Variants in ZNF786 observed in about 807,000 individuals in gnomAD.
ZNF786 encodes zinc finger protein 786.
Under a neutral mutation model 63.1 loss-of-function variants are expected in ZNF786, and 56 were observed. The ratio of observed to expected loss-of-function variants is 0.89; its 90% CI spans 0.72 to 1.11. The LOEUF (loss-of-function observed/expected upper bound fraction) is 1.11, where lower values mean the gene tolerates loss of function less well. Among genes scored for constraint, ZNF786 ranks in the 50% least tolerant of loss-of-function variants. The probability of loss-of-function intolerance (pLI) is 0.00; values close to 1 mark genes in which losing one functional copy is unlikely to be tolerated. For synonymous variants in ZNF786, 485 were observed against 406.9 expected, an observed-to-expected ratio of 1.19 and a Z score of -2.31; for missense variants, 1,213 against 1,041.8, an observed-to-expected ratio of 1.16 and a Z score of -2.26.
At chr7:149,073,749 A>ATATATATATGTG (rs1825485518) in intron 3 of ZNF786, among the ~76,000 whole-genome samples, 3 of 53,954 alleles carry the variant, frequency 5.6e-5, no homozygotes, top group African/African-American at 2.0e-4. Context: ...GTGTGTGTGT[A>ATATATATATGTG]TATATATATA....
Position 149,071,618 on chromosome 7 carries a change from G to A in ZNF786, c.1154C>T (p.Ala385Val). 6.3e-7 allele frequency: 1 copy of A among 1,589,786 alleles called. No homozygotes were observed. The change falls in exon 4 of 4, where the codon GCC becomes GTC. Residue 385 changes from alanine to valine, a missense_variant. Physicochemically the swap from Ala to Val is moderately conservative, Grantham distance 64 (BLOSUM62 0). Coordinates refer to ENST00000491431, the MANE Select transcript of ZNF786 (RefSeq NM_152411.4). ...TCCAGTATGCGCCCTGCAGGGGCTG[G>A]CGAGCCTGGCGCTCATAGGGGAGCG... ...GERSPMSARL[A>V]SPCRAHTGEK...
intron 1 of ZNF786, among the ~76,000 whole-genome samples, chr7:149,088,348 T>C (rs1198514970): frequency 6.6e-6 from 1 of 152,174 alleles, no homozygotes; most frequent in East Asian, 1.9e-4. Context: ...TGAGATAATT[T>C]ATTACTCATT....
chr7:149,078,737 T>C (rs573364230), intron 2 of ZNF786, among the ~76,000 whole-genome samples: 79 of 151,848 alleles, frequency 5.2e-4, no homozygotes, highest in African/African-American at 1.8e-3. Context: ...TATTAGAAAC[T>C]TTGCAATATA....
intron 2 of ZNF786, among the ~76,000 whole-genome samples, chr7:149,076,903 T>G (rs1309253692): frequency 6.6e-6 from 1 of 152,160 alleles, no homozygotes; most frequent in East Asian, 1.9e-4. Flanking sequence ...CATGCCTCTA[T>G]GAATACACAC....
At chr7:149,088,432 T>A (rs745415807) in intron 1 of ZNF786, among the ~76,000 whole-genome samples, 2 of 152,240 alleles carry the variant, frequency 1.3e-5, no homozygotes, top group Non-Finnish European at 2.9e-5. Context: ...TGTGTAACAT[T>A]TCTCCCAATA....
At chr7:149,083,058 G>A (rs1335330957) in intron 1 of ZNF786, among the ~76,000 whole-genome samples, 1 of 151,756 alleles carries the variant, frequency 6.6e-6, no homozygotes, top group Non-Finnish European at 1.5e-5. Context: ...ACCACACTGG[G>A]CTAATTTTTT....
At chr7:149,075,730 C>G (rs1270770630) in intron 2 of ZNF786, among the ~76,000 whole-genome samples, 2 of 78,396 alleles carry the variant, frequency 2.6e-5, no homozygotes, top group Non-Finnish European at 5.3e-5. Flanking sequence ...GTGGTGCAAT[C>G]ATAGCTCATT....
chr7:149,076,362 G>T (rs1441437227), intron 2 of ZNF786, among the ~76,000 whole-genome samples: 3 of 150,740 alleles, frequency 2.0e-5, no homozygotes, highest in Non-Finnish European at 4.4e-5. Flanking sequence ...TGATCCGGCT[G>T]CCTCGGCCTC....
intron 2 of ZNF786, among the ~76,000 whole-genome samples, chr7:149,078,412 C>T (rs140453882): frequency 0.011 from 1,603 of 152,138 alleles, 25 homozygotes; most frequent in African/African-American, 0.037. Context: ...AGGCCAGGCA[C>T]GGTGGCTCAT....
rs775967599 is a variant in ZNF786 at position 149,071,958 on chromosome 7, C to G, written c.814G>C (p.Asp272His). 6.8e-6 allele frequency: 11 copies of G among 1,611,764 alleles called. No homozygotes were observed. Among genetic ancestry groups the G allele is most frequent in the Non-Finnish European group, 8.5e-6 (10 of 1,179,762 alleles). ...TCGTGTCGGAAGCACATTTCACCGTCAGCGTTCCGGAAGGGGCCCCTCCCC... is the reference window on the plus strand; with the variant it reads ...TCGTGTCGGAAGCACATTTCACCGTGAGCGTTCCGGAAGGGGCCCCTCCCC... Reference protein sequence around the residue: ...HTGRGPFRNADGEMCFRHELT... With the variant: ...HTGRGPFRNAHGEMCFRHELT... The change falls in exon 4 of 4, where the codon GAC becomes CAC. Residue 272 changes from aspartate to histidine, a missense_variant. Coordinates refer to ENST00000491431, the MANE Select transcript of ZNF786 (RefSeq NM_152411.4).
chr7:149,086,295 A>G (rs1055732258), intron 1 of ZNF786, among the ~76,000 whole-genome samples: 4 of 152,162 alleles, frequency 2.6e-5, no homozygotes, highest in African/African-American at 7.2e-5. Flanking sequence ...ACCAGCATCT[A>G]CTTCTGGCGA....
In ZNF786 at chr7:149,071,818, G is replaced by A. The variant is rs763273325; in HGVS notation, c.954C>T (p.His318=). Residue 318 remains histidine (H), a synonymous_variant, in exon 4 of 4, where the codon CAC becomes CAT. Coordinates refer to ENST00000491431, the MANE Select transcript of ZNF786 (RefSeq NM_152411.4). Reference sequence around the variant, plus strand: ...TCCAAGAGGCCGGCCCCTCCCGGCTGTGCTGGCACCGGCGAGCCTGCGTGC... The same window carrying A: ...TCCAAGAGGCCGGCCCCTCCCGGCTATGCTGGCACCGGCGAGCCTGCGTGC... ...VDSTQARRCQ[H]SREGPASWRE... 1.9e-6 allele frequency: 3 copies of A among 1,589,816 alleles called. No individual in the cohort carries two copies. Among genetic ancestry groups the A allele is most frequent in the South Asian group, 1.1e-5 (1 of 90,216 alleles).
At chr7:149,080,559 A>C in intron 2 of ZNF786, 32 bp downstream of exon 2, 1 of 1,541,222 alleles carries the variant, frequency 6.5e-7, no homozygotes, top group South Asian at 1.3e-5. Flanking sequence ...ATCCAGTTCC[A>C]TGACCTACCC....
chr7:149,071,383 AC>A lies in ZNF786; in HGVS notation c.1388del (p.Arg463LeufsTer26). On this transcript the variant is annotated frameshift_variant, in exon 4 of 4. Transcript: ENST00000491431. LOFTEE classifies it high-confidence loss of function. The stretch of plus-strand genomic sequence containing the variant: ...GGTGCCGCAGCAGCTGTCCCCTCTG[AC>A]GGAAGTTCCTGCCACACTTGGCACA... Reference protein sequence around the residue: ...FRCAKCGRNFRQRGQLLRHQR... With the variant: ...FRCAKCGRNFXQRGQLLRHQR... The A allele has an allele frequency of 6.2e-7, 1 of 1,612,652 alleles. No homozygotes were observed. Among genetic ancestry groups the A allele is most frequent in the East Asian group, 2.2e-5 (1 of 44,774 alleles).
intron 2 of ZNF786, among the ~76,000 whole-genome samples, chr7:149,078,501 A>T (rs551115663): frequency 1.3e-5 from 2 of 152,172 alleles, no homozygotes; most frequent in Admixed American, 1.3e-4. Context: ...CCTGACCAAC[A>T]TGGAGAAACC....
At position 149,071,781 on chromosome 7, in the gene ZNF786, C is replaced by G. The variant is rs1345110401; in HGVS notation, c.991G>C (p.Gly331Arg). ...CCCGAGTGCACACTGCTGGAGGCCC[C>G]GCGGCCTTCTCTCCAAGAGGCCGGC... is the stretch of plus-strand genomic sequence containing the variant. Reference protein sequence around the residue: ...EGPASWREGRGASSSVHSGQK... With the variant: ...EGPASWREGRRASSSVHSGQK... The change falls in exon 4 of 4, where the codon GGG becomes CGG. Residue 331 changes from glycine (G) to arginine (R), a missense_variant. Transcript: ENST00000491431. 2.5e-6 allele frequency: 4 copies of G among 1,580,896 alleles called. No individual in the cohort carries two copies. The highest frequency in any genetic ancestry group is 2.3e-5 in the East Asian group (1 of 44,388).
chr7:149,071,982 C>T lies in ZNF786; in HGVS notation c.790G>A (p.Gly264Arg), dbSNP rs757660658. Residue 264 changes from glycine (G) to arginine (R), a missense_variant, in exon 4 of 4, where the codon GGG (glycine) becomes AGG (arginine). Transcript: ENST00000491431. ...CLLRHLAAHT[G>R]RGPFRNADGE... is the part of the protein sequence containing the mutation. Reference sequence around the variant, plus strand: ...TCAGCGTTCCGGAAGGGGCCCCTCCCCGTGTGGGCCGCCAGATGGCGCAGC... The same window carrying T: ...TCAGCGTTCCGGAAGGGGCCCCTCCTCGTGTGGGCCGCCAGATGGCGCAGC... 5.6e-6 allele frequency: 9 copies of T among 1,612,554 alleles called. No homozygotes were observed. In the African/African-American group the frequency reaches 6.7e-5, roughly 12 times the overall value.
intron 1 of ZNF786, among the ~76,000 whole-genome samples, chr7:149,081,784 T>C (rs568923869): frequency 2.6e-4 from 40 of 152,186 alleles, no homozygotes; most frequent in African/African-American, 8.2e-4. Context: ...AAATAAAGGG[T>C]ATCCAAATTG....
At chr7:149,073,001 C>G (rs116414549) in intron 3 of ZNF786, among the ~76,000 whole-genome samples, 1,564 of 152,250 alleles carry the variant, frequency 0.01, 32 homozygotes, top group African/African-American at 0.035. Context: ...CGAGCTGGAG[C>G]CCTGACCAAT....
Sources: gnomAD v4.1 joint callset for allele counts (sites outside exome capture counted in the v4.1 genomes callset) on GRCh38, gnomAD v4.1.1 for gene constraint, MANE v1.5 for transcripts, NCBI Gene and HGNC (gene_info 2026-07-23, HGNC 2026-07-21) for gene names.